Variants in HS6ST3 observed in about 807,000 individuals in gnomAD.
HS6ST3 encodes the protein heparan sulfate 6-O-sulfotransferase 3, also known as heparan-sulfate 6-O-sulfotransferase 3.
Under a neutral mutation model 36.7 loss-of-function variants are expected in HS6ST3, and 12 were observed. The ratio of observed to expected loss-of-function variants is 0.33; its 90% CI spans 0.21 to 0.53. The LOEUF (loss-of-function observed/expected upper bound fraction) is 0.53, where lower values mean the gene tolerates loss of function less well. HS6ST3 is among the 20% of genes least tolerant of loss of function. The probability of loss-of-function intolerance (pLI) is 0.95; values close to 1 mark genes in which losing one functional copy is unlikely to be tolerated. For synonymous variants in HS6ST3, 240 were observed against 257.5 expected, an observed-to-expected ratio of 0.93 and a Z score of 0.65; for missense variants, 584 against 640.9, an observed-to-expected ratio of 0.91 and a Z score of 0.96.
At chr13:96,168,742 T>C (rs373763987) in intron 1 of HS6ST3, among the ~76,000 whole-genome samples, 2 of 151,936 alleles carry the variant, frequency 1.3e-5, no homozygotes, top group South Asian at 4.2e-4. Context: ...AAAGCACCTA[T>C]TGATTCTAAT....
At chr13:96,140,160 A>G (rs1443903591) in intron 1 of HS6ST3, among the ~76,000 whole-genome samples, 1 of 152,214 alleles carries the variant, frequency 6.6e-6, no homozygotes, top group Non-Finnish European at 1.5e-5. Flanking sequence ...AAGTTAAAAT[A>G]TATCAAAACG....
chr13:96,365,233 C>G (rs886885259), intron 1 of HS6ST3, among the ~76,000 whole-genome samples: 1 of 152,212 alleles, frequency 6.6e-6, no homozygotes, highest in Non-Finnish European at 1.5e-5. Flanking sequence ...ACGCCCCTCA[C>G]TGGACTCTCT....
rs115466969 is a variant in HS6ST3, at chr13:96,184,472, T to G, written c.707+92903T>G. 3.5e-3 allele frequency among the ~76,000 whole-genome samples: 540 copies of G among 152,288 alleles called. 5 individuals carry two copies. The highest frequency in any genetic ancestry group is 0.012 in the African/African-American group (517 of 41,568). On this transcript the variant is annotated intron_variant, in intron 1 of 1. Transcript: ENST00000376705. The stretch of plus-strand genomic sequence containing the variant: ...AATCCATCCCTGCGTCTTGGTGACT[T>G]TACCCCCAGAATGTATCTCTACTCC...
intron 1 of HS6ST3, among the ~76,000 whole-genome samples, chr13:96,583,653 T>C (rs549690351): frequency 6.6e-6 from 1 of 152,300 alleles, no homozygotes; most frequent in East Asian, 1.9e-4. Context: ...TCTTAATTTT[T>C]TTCAAACCAT....
At chr13:96,304,703 CTTTCTTTCTTTTTTT>C (rs1376228186) in intron 1 of HS6ST3, among the ~76,000 whole-genome samples, 1 of 93,598 alleles carries the variant, frequency 1.1e-5, no homozygotes, top group Non-Finnish European at 2.0e-5. Flanking sequence ...TTCTTTCTTT[CTTTCTTTCTTTTTTT>C]TTTTTTTTTT....
chr13:96,095,904 T>TGTG (rs1416636350), intron 1 of HS6ST3, among the ~76,000 whole-genome samples: 3 of 84,568 alleles, frequency 3.5e-5, no homozygotes, highest in African/African-American at 1.7e-4. Flanking sequence ...GTGTGTGTGT[T>TGTG]ATCAGGAAGA....
chr13:96,337,960 T>C (rs2055110339), intron 1 of HS6ST3, among the ~76,000 whole-genome samples: 1 of 152,080 alleles, frequency 6.6e-6, no homozygotes, highest in Non-Finnish European at 1.5e-5. Flanking sequence ...ATTCTTTTTG[T>C]TTTGGACATC....
At chr13:96,146,971 A>C (rs1264350674) in intron 1 of HS6ST3, among the ~76,000 whole-genome samples, 1 of 152,226 alleles carries the variant, frequency 6.6e-6, no homozygotes. Context: ...CAATAAACAC[A>C]GGAAAGTTTA....
intron 1 of HS6ST3, among the ~76,000 whole-genome samples, chr13:96,347,820 C>T (rs1179194474): frequency 1.3e-5 from 2 of 152,200 alleles, no homozygotes; most frequent in African/African-American, 2.4e-5. Flanking sequence ...TTCCCCTCTT[C>T]ACTCCACCCC....
At chr13:96,726,438 G>C (rs964127222) in intron 1 of HS6ST3, among the ~76,000 whole-genome samples, 34 of 152,090 alleles carry the variant, frequency 2.2e-4, no homozygotes, top group African/African-American at 8.2e-4. Flanking sequence ...GTCTTTCATA[G>C]GATTGATGCC....
At chr13:96,797,282 G>A (rs1234736012) in intron 1 of HS6ST3, among the ~76,000 whole-genome samples, 12 of 152,046 alleles carry the variant, frequency 7.9e-5, no homozygotes, top group Admixed American at 3.9e-4. Flanking sequence ...ACTGATACAG[G>A]CACCATCTGA....
intron 1 of HS6ST3, among the ~76,000 whole-genome samples, chr13:96,675,282 T>A (rs543697989): frequency 1.3e-5 from 2 of 152,200 alleles, no homozygotes; most frequent in South Asian, 4.2e-4. Context: ...GAACTACATT[T>A]TCTGATTTTG....
intron 1 of HS6ST3, among the ~76,000 whole-genome samples, chr13:96,301,463 C>T (rs1206268047): frequency 1.3e-5 from 2 of 152,182 alleles, no homozygotes; most frequent in Non-Finnish European, 2.9e-5. Context: ...AAGCTTTGCT[C>T]TATCAGCCAA....
intron 1 of HS6ST3, among the ~76,000 whole-genome samples, chr13:96,523,510 C>T (rs954903774): frequency 6.6e-6 from 1 of 152,164 alleles, no homozygotes; most frequent in African/African-American, 2.4e-5. Flanking sequence ...ACCAGTCAAA[C>T]ATAGATTTGG....
At chr13:96,673,090 C>A (rs935782062) in intron 1 of HS6ST3, among the ~76,000 whole-genome samples, 1 of 152,132 alleles carries the variant, frequency 6.6e-6, no homozygotes, top group African/African-American at 2.4e-5. Flanking sequence ...TTTTAGGTAG[C>A]TGCCAGCCTT....
intron 1 of HS6ST3, among the ~76,000 whole-genome samples, chr13:96,501,971 A>G (rs1359167219): frequency 1.3e-5 from 2 of 152,204 alleles, no homozygotes; most frequent in Non-Finnish European, 1.5e-5. Context: ...CTTTTATTCT[A>G]TCAGTTTCTT....
chr13:96,821,651 A>G lies in HS6ST3; in HGVS notation c.708-10839A>G, dbSNP rs527300991. On this transcript the variant is annotated intron_variant, in intron 1 of 1. Coordinates refer to ENST00000376705, the MANE Select transcript of HS6ST3 (RefSeq NM_153456.4). ...GGAACATTCCATATTTTGAGTTAGC[A>G]TTCCTCTTAATCATTATTGAGGAGA... is the stretch of plus-strand genomic sequence containing the variant. Among the ~76,000 whole-genome samples the G allele has an allele frequency of 1.2e-3, 187 of 152,346 alleles. 2 individuals are homozygous for G. The highest frequency in any genetic ancestry group is 4.3e-3 in the African/African-American group (179 of 41,584).
chr13:96,203,833 C>T (rs1219959105), intron 1 of HS6ST3, among the ~76,000 whole-genome samples: 3 of 152,168 alleles, frequency 2.0e-5, no homozygotes, highest in Non-Finnish European at 4.4e-5. Flanking sequence ...ATTCCGAATT[C>T]CATGCCTTTT....
At chr13:96,767,781 C>A (rs1877153378) in intron 1 of HS6ST3, among the ~76,000 whole-genome samples, 1 of 152,068 alleles carries the variant, frequency 6.6e-6, no homozygotes, top group Non-Finnish European at 1.5e-5. Context: ...CATATGTAGT[C>A]CAAATGTGCA....
Sources: allele counts gnomAD v4.1 joint callset (sites outside exome capture counted in the v4.1 genomes callset), GRCh38; gene constraint gnomAD v4.1.1; transcripts MANE v1.5; gene names NCBI Gene and HGNC (gene_info 2026-07-23, HGNC 2026-07-21).